Variants in EDEM2 observed in about 807,000 individuals in gnomAD.
EDEM2 encodes ER degradation-enhancing alpha-mannosidase-like protein 2.
EDEM2 carries 39 observed loss-of-function variants against 64.8 expected under a neutral mutation model. That is an observed-to-expected ratio of 0.60 (90% confidence interval 0.47 to 0.79). EDEM2 has a LOEUF of 0.79. Ranked by LOEUF, EDEM2 falls within the 30% of genes least tolerant of loss-of-function variation. The probability of loss-of-function intolerance (pLI) is 0.00; values close to 1 mark genes in which losing one functional copy is unlikely to be tolerated. For missense variants in EDEM2, 609 were observed against 731.3 expected, an observed-to-expected ratio of 0.83 and a Z score of 1.93; for synonymous variants, 296 against 291.5, an observed-to-expected ratio of 1.02 and a Z score of -0.16.
Position 35,142,366 on chromosome 20 carries a change from C to G in EDEM2, c.364+7G>C, listed in dbSNP as rs1265554852. The G allele has an allele frequency of 6.2e-7, 1 of 1,607,460 alleles. No individual in the cohort carries two copies. The highest frequency in any genetic ancestry group is 8.5e-7 in the Non-Finnish European group (1 of 1,174,430). On this transcript the variant is annotated splice_region_variant and intron_variant, in intron 4 of 10. Transcript: ENST00000374492. ...TTCTTTTAAAGGTCCTAGAGAGCAG[C>G]CCTTACCTCGAATGTTTGTTTCAAA...
chr20:35,131,509 T>C (rs1166451619), intron 7 of EDEM2, 133 bp downstream of exon 7: 2 of 1,097,642 alleles, frequency 1.8e-6, no homozygotes, highest in Non-Finnish European at 2.6e-6. Context: ...GAGGTTGCAG[T>C]GAGCCTAGAT....
At chr20:35,128,097 A>G (rs1296064806) in intron 7 of EDEM2, among the ~76,000 whole-genome samples, 5 of 152,200 alleles carry the variant, frequency 3.3e-5, no homozygotes, top group Non-Finnish European at 5.9e-5. Context: ...CTTATATAAA[A>G]AAAGTCGGCT....
chr20:35,145,959 G>GC (rs2085724605), intron 2 of EDEM2, among the ~76,000 whole-genome samples: 1 of 133,946 alleles, frequency 7.5e-6, no homozygotes, highest in African/African-American at 2.9e-5. Flanking sequence ...CCAAGATCAC[G>GC]CCATTGCACT....
intron 9 of EDEM2, among the ~76,000 whole-genome samples, chr20:35,119,235 G>T (rs2085341815): frequency 6.6e-6 from 1 of 152,162 alleles, no homozygotes; most frequent in African/African-American, 2.4e-5. Context: ...CAAAAGAAGA[G>T]TAAGAGCTTG....
In EDEM2 at chr20:35,128,948, A is replaced by G. The variant is rs994324815; in HGVS notation, c.845-2573T>C. ...AAATTTTAAAGTTCATAAAGTAAAAAAGTTACAGTAAGCTAACGTTAATTT... is the reference window on the plus strand; with the variant it reads ...AAATTTTAAAGTTCATAAAGTAAAAGAGTTACAGTAAGCTAACGTTAATTT... On this transcript the variant is annotated intron_variant, in intron 7 of 10. Transcript: ENST00000374492. Among the ~76,000 whole-genome samples the G allele has an allele frequency of 5.7e-5, 8 of 140,040 alleles. 2 individuals carry two copies. The highest frequency in any genetic ancestry group is 2.3e-4 in the African/African-American group (8 of 34,880). 91.9% of individuals were successfully genotyped at this position (140,040 alleles called of 152,430 possible).
At chr20:35,124,066 A>T in intron 8 of EDEM2, 32 bp from the exon 9 acceptor site, 1 of 1,603,510 alleles carries the variant, frequency 6.2e-7, no homozygotes, top group Admixed American at 1.7e-5. Context: ...AGGCAGGTAG[A>T]CACCAGGCAT....
rs570069875 is a variant in EDEM2 at position 35,142,575 on chromosome 20, C to T, written c.259-97G>A. ...ATGTTGATGTGGCCCTCACTAATTC[C>T]ACTTAAGACCTCCAGTTTCTGTCCT... On this transcript the variant is annotated intron_variant, in intron 3 of 10. Transcript: ENST00000374492. The T allele has an allele frequency of 1.5e-5, 12 of 826,452 alleles. 1 individual carries two copies. The East Asian group carries it at 3.1e-4, about 22-fold the overall frequency. The allele number at this position is 826,452 out of a possible 1,614,324, so 51.2% of individuals were successfully genotyped here.
chr20:35,140,689 T>C (rs1231913966), intron 4 of EDEM2, among the ~76,000 whole-genome samples: 2 of 152,158 alleles, frequency 1.3e-5, no homozygotes, highest in Admixed American at 6.6e-5. Flanking sequence ...ATAAGTTATG[T>C]TTGTTAAATT....
chr20:35,126,476 C>A (rs886781366), intron 7 of EDEM2, 101 bp from the exon 8 acceptor site: 2 of 1,427,482 alleles, frequency 1.4e-6, no homozygotes, highest in Non-Finnish European at 1.9e-6. Flanking sequence ...GAAAGAGCAC[C>A]AGGATGCAAT....
At chr20:35,125,052 T>C (rs1460331312) in intron 8 of EDEM2, among the ~76,000 whole-genome samples, 5 of 152,242 alleles carry the variant, frequency 3.3e-5, no homozygotes, top group Non-Finnish European at 5.9e-5. Flanking sequence ...ATTGGATGTC[T>C]CATGGACAGA....
At chr20:35,135,661 T>C (rs2085566271) in intron 5 of EDEM2, among the ~76,000 whole-genome samples, 1 of 151,850 alleles carries the variant, frequency 6.6e-6, no homozygotes, top group Non-Finnish European at 1.5e-5. Flanking sequence ...AAAATAATAA[T>C]AATAATAAAC....
intron 7 of EDEM2, among the ~76,000 whole-genome samples, chr20:35,130,971 T>G (rs116520884): frequency 0.013 from 1,999 of 152,302 alleles, 37 homozygotes; most frequent in African/African-American, 0.043. Flanking sequence ...GCAAGAAAGA[T>G]GCTGAAGGTC....
At chr20:35,133,469 CTT>C (rs113332647) in intron 6 of EDEM2, among the ~76,000 whole-genome samples, 15 of 142,542 alleles carry the variant, frequency 1.1e-4, no homozygotes, top group South Asian at 2.2e-4. Context: ...AGCGGGGCAC[CTT>C]TTTTTTTTTT....
At chr20:35,138,156 C>A in intron 4 of EDEM2, 151 bp from the exon 5 acceptor site, 1 of 1,159,194 alleles carries the variant, frequency 8.6e-7, no homozygotes, top group Non-Finnish European at 1.2e-6. Flanking sequence ...TAAAAACAAA[C>A]AAACAAAAAC....
intron 5 of EDEM2, 124 bp from the exon 6 acceptor site, chr20:35,135,073 C>A: frequency 1.0e-6 from 1 of 958,426 alleles, no homozygotes; most frequent in Non-Finnish European, 1.5e-6. Flanking sequence ...CTGCTAGAGT[C>A]TGAGCCAGAG....
chr20:35,131,104 G>C (rs2085499970), intron 7 of EDEM2, among the ~76,000 whole-genome samples: 1 of 152,236 alleles, frequency 6.6e-6, no homozygotes, highest in Admixed American at 6.5e-5. Flanking sequence ...CAAAGAAGAT[G>C]CCATGTGCAA....
intron 4 of EDEM2, among the ~76,000 whole-genome samples, chr20:35,140,502 G>A (rs907988205): frequency 3.9e-5 from 6 of 151,946 alleles, no homozygotes; most frequent in Non-Finnish European, 8.8e-5. Context: ...AAAAAAAGTG[G>A]TAAATTTATG....
At chr20:35,144,461 G>C (rs989717371) in intron 3 of EDEM2, among the ~76,000 whole-genome samples, 2 of 152,076 alleles carry the variant, frequency 1.3e-5, no homozygotes, top group Non-Finnish European at 2.9e-5. Flanking sequence ...AGCCTCTCCA[G>C]TAGCTGGGAT....
At chr20:35,135,582 C>T (rs2085565301) in intron 5 of EDEM2, among the ~76,000 whole-genome samples, 1 of 152,108 alleles carries the variant, frequency 6.6e-6, no homozygotes, top group South Asian at 2.1e-4. Flanking sequence ...ACCCAAGAGG[C>T]GTGGGCTGCA....
Sources: allele counts gnomAD v4.1 joint callset (sites outside exome capture counted in the v4.1 genomes callset), GRCh38; gene constraint gnomAD v4.1.1; transcripts MANE v1.5; gene names NCBI Gene and HGNC (gene_info 2026-07-23, HGNC 2026-07-21).